The following CNTNAP2 variants were observed in gnomAD, a reference collection of about 807,000 sequenced individuals.
The protein encoded by CNTNAP2 is contactin-associated protein-like 2.
In CNTNAP2, 98 loss-of-function variants were observed where a neutral mutation model predicts 155.2. That is an observed-to-expected ratio of 0.63 (90% CI 0.54 to 0.75). CNTNAP2 has a LOEUF of 0.75. Ranked by LOEUF, CNTNAP2 falls within the 30% of genes least tolerant of loss-of-function variation. The pLI is 0.00. For missense variants in CNTNAP2, 1,727 were observed against 1,688.1 expected (o/e 1.02, Z -0.40); for synonymous variants, 651 against 631.2 (o/e 1.03, Z -0.47).
chr7:148,338,479 C>A (rs950468435), intron 21 of CNTNAP2, among the ~76,000 whole-genome samples: 72 of 151,968 alleles, frequency 4.7e-4, no homozygotes, highest in Non-Finnish European at 4.0e-4. Context: ...TCCCTCCCCC[C>A]ACCCCGACCT....
At chr7:148,054,447 CTTTT>C (rs61157011) in intron 15 of CNTNAP2, among the ~76,000 whole-genome samples, 11 of 73,108 alleles carry the variant, frequency 1.5e-4, no homozygotes, top group Admixed American at 5.2e-4. Context: ...TCTCAGTGGC[CTTTT>C]TTTTTTTTTT....
At chr7:147,418,568 A>G (rs1430349662) in intron 10 of CNTNAP2, among the ~76,000 whole-genome samples, 4 of 152,216 alleles carry the variant, frequency 2.6e-5, no homozygotes, top group Non-Finnish European at 5.9e-5. Context: ...GTTTCCCCAG[A>G]GTAATGATAG....
chr7:147,480,706 C>G (rs773442154), intron 10 of CNTNAP2, among the ~76,000 whole-genome samples: 13 of 152,182 alleles, frequency 8.5e-5, no homozygotes, highest in African/African-American at 1.4e-4. Context: ...AGGCTGTCTT[C>G]TCTCCTTGTG....
intron 9 of CNTNAP2, among the ~76,000 whole-genome samples, chr7:147,302,815 C>A (rs1273905936): frequency 1.3e-5 from 2 of 152,196 alleles, no homozygotes; most frequent in Non-Finnish European, 2.9e-5. Context: ...CCCCAGAGGG[C>A]AAAAGAAGGG....
intron 1 of CNTNAP2, among the ~76,000 whole-genome samples, chr7:146,143,853 C>G (rs1797916700): frequency 6.6e-6 from 1 of 151,994 alleles, no homozygotes; most frequent in Non-Finnish European, 1.5e-5. Context: ...ACCTCTGCCT[C>G]CTGGGTTCAA....
chr7:148,309,264 T>C (rs1797548066), intron 21 of CNTNAP2, among the ~76,000 whole-genome samples: 1 of 152,206 alleles, frequency 6.6e-6, no homozygotes, highest in Admixed American at 6.5e-5. Context: ...AAGACTATTG[T>C]ATGTAGTTCA....
intron 1 of CNTNAP2, among the ~76,000 whole-genome samples, chr7:146,279,791 AAAT>A (rs1302606356): frequency 6.6e-6 from 1 of 151,812 alleles, no homozygotes; most frequent in East Asian, 1.9e-4. Context: ...ACCTTTTAAA[AAAT>A]AATATGCATA....
chr7:148,330,849 G>T, intron 21 of CNTNAP2, among the ~76,000 whole-genome samples: 1 of 149,788 alleles, frequency 6.7e-6, no homozygotes, highest in African/African-American at 2.5e-5. Context: ...TAGAATGGAT[G>T]GATGGAATGG....
intron 1 of CNTNAP2, among the ~76,000 whole-genome samples, chr7:146,383,071 A>C (rs1000554044): frequency 6.6e-6 from 1 of 152,154 alleles, no homozygotes; most frequent in Non-Finnish European, 1.5e-5. Flanking sequence ...TTTTCATTGA[A>C]CTCATTGATT....
intron 1 of CNTNAP2, among the ~76,000 whole-genome samples, chr7:146,213,357 T>C (rs1043855206): frequency 1.3e-5 from 2 of 152,118 alleles, no homozygotes; most frequent in African/African-American, 2.4e-5. Flanking sequence ...TGCAGCTGAG[T>C]TAAATATCAT....
chr7:146,267,868 G>A (rs540866335), intron 1 of CNTNAP2, among the ~76,000 whole-genome samples: 3 of 152,124 alleles, frequency 2.0e-5, no homozygotes, highest in Non-Finnish European at 4.4e-5. Context: ...AAAGAGCTAT[G>A]ATACAAAGAG....
chr7:147,797,834 T>A (rs1797923795), intron 13 of CNTNAP2, among the ~76,000 whole-genome samples: 2 of 152,168 alleles, frequency 1.3e-5, no homozygotes, highest in Admixed American at 6.5e-5. Context: ...ATACAAAAAC[T>A]ATTCATCAAA....
intron 3 of CNTNAP2, among the ~76,000 whole-genome samples, chr7:146,933,936 A>T: frequency 6.6e-6 from 1 of 151,912 alleles, no homozygotes; most frequent in Non-Finnish European, 1.5e-5. Context: ...AAAAGTCAGG[A>T]AACAACAGGT....
chr7:148,395,551 G>A (rs2116689416), intron 22 of CNTNAP2, among the ~76,000 whole-genome samples: 1 of 152,048 alleles, frequency 6.6e-6, no homozygotes, highest in South Asian at 2.1e-4. Flanking sequence ...TGGCAGGCTT[G>A]TGTTTTGAAA....
At chr7:146,509,681 C>G (rs565070287) in intron 1 of CNTNAP2, among the ~76,000 whole-genome samples, 1 of 152,252 alleles carries the variant, frequency 6.6e-6, no homozygotes, top group East Asian at 1.9e-4. Context: ...TAATAGCAGC[C>G]TCTAATTCTC....
At chr7:147,432,666 T>G (rs1193672544) in intron 10 of CNTNAP2, among the ~76,000 whole-genome samples, 3 of 152,154 alleles carry the variant, frequency 2.0e-5, no homozygotes, top group African/African-American at 4.8e-5. Context: ...ATCCTCCTAA[T>G]CTCCCAACCA....
intron 2 of CNTNAP2, among the ~76,000 whole-genome samples, chr7:146,797,493 A>T (rs1473913176): frequency 6.6e-6 from 1 of 152,238 alleles, no homozygotes; most frequent in Admixed American, 6.5e-5. Flanking sequence ...ATAACCAAGT[A>T]TGCCTTGTGG....
At chr7:146,984,937 G>T (rs1252298081) in intron 3 of CNTNAP2, among the ~76,000 whole-genome samples, 2 of 152,172 alleles carry the variant, frequency 1.3e-5, no homozygotes, top group Non-Finnish European at 2.9e-5. Flanking sequence ...GCATTTGACA[G>T]TTTGAATTCA....
intron 8 of CNTNAP2, among the ~76,000 whole-genome samples, chr7:147,273,851 T>C (rs1804824417): frequency 1.4e-5 from 2 of 147,634 alleles, no homozygotes. Context: ...TTTAAACATA[T>C]ATAAATATAT....
Sources: gnomAD v4.1 joint callset for allele counts (sites outside exome capture counted in the v4.1 genomes callset) on GRCh38, gnomAD v4.1.1 for gene constraint, MANE v1.5 for transcripts, NCBI Gene and HGNC (gene_info 2026-07-23, HGNC 2026-07-21) for gene names.